DMRT1: variants seen among roughly 807,000 people sequenced by gnomAD.
DMRT1 encodes doublesex and mab-3 related transcription factor 1, also known as doublesex- and mab-3-related transcription factor 1.
Under a neutral mutation model 32.3 loss-of-function variants are expected in DMRT1, and 7 were observed. The observed-to-expected ratio is 0.22, with a 90% CI of 0.12 to 0.41. The LOEUF (loss-of-function observed/expected upper bound fraction) is 0.41, where lower values mean the gene tolerates loss of function less well. Among genes scored for constraint, DMRT1 ranks in the 10% least tolerant of loss-of-function variants. DMRT1 has a pLI of 1.00. For missense variants in DMRT1, 625 were observed against 500.5 expected, an observed-to-expected ratio of 1.25 and a Z score of -2.37; for synonymous variants, 278 against 206.1, an observed-to-expected ratio of 1.35 and a Z score of -2.99.
At chr9:960,175 C>G (rs1010855156) in intron 4 of DMRT1, among the ~76,000 whole-genome samples, 2 of 152,210 alleles carry the variant, frequency 1.3e-5, no homozygotes, top group Non-Finnish European at 2.9e-5. Flanking sequence ...AAGGCCTATA[C>G]ATGATGCCGT....
chr9:954,715 C>T (rs892405868), intron 4 of DMRT1, among the ~76,000 whole-genome samples: 9 of 152,248 alleles, frequency 5.9e-5, no homozygotes, highest in African/African-American at 2.2e-4. Context: ...GATCCCGGCT[C>T]ACTGTAACCT....
At chr9:850,912 C>T (rs904441697) in intron 2 of DMRT1, among the ~76,000 whole-genome samples, 5 of 151,758 alleles carry the variant, frequency 3.3e-5, no homozygotes, top group African/African-American at 1.2e-4. Flanking sequence ...GCCTGTAATC[C>T]CAGCTACTCG....
chr9:918,291 G>C (rs1044744162), intron 4 of DMRT1, among the ~76,000 whole-genome samples: 1 of 152,222 alleles, frequency 6.6e-6, no homozygotes, highest in Non-Finnish European at 1.5e-5. Flanking sequence ...AATTAAGAAT[G>C]AAACCCACTT....
chr9:963,860 A>G (rs956913629), intron 4 of DMRT1, among the ~76,000 whole-genome samples: 3 of 152,246 alleles, frequency 2.0e-5, no homozygotes, highest in Non-Finnish European at 4.4e-5. Context: ...AGAAATTTTC[A>G]TCAGCTTTTC....
intron 1 of DMRT1, among the ~76,000 whole-genome samples, chr9:843,938 AAAG>A (rs1838797045): frequency 6.6e-6 from 1 of 152,198 alleles, no homozygotes; most frequent in Non-Finnish European, 1.5e-5. Flanking sequence ...TAGTGGGTGA[AAAG>A]AATACACTGG....
At chr9:881,211 A>G (rs1816723716) in intron 2 of DMRT1, among the ~76,000 whole-genome samples, 3 of 152,200 alleles carry the variant, frequency 2.0e-5, no homozygotes, top group Non-Finnish European at 4.4e-5. Context: ...CCAGTCCTGT[A>G]CAATTGGATA....
At position 868,097 on chromosome 9, in the gene DMRT1, C is replaced by T. The variant is rs144071262; in HGVS notation, c.538+20954C>T. ...GGCTCAAGCAGTCCTCCCACCTCAG[C>T]CTCCTGATTAGCTGGGACTACAGGC... On this transcript the variant is annotated intron_variant, in intron 2 of 4. Coordinates refer to ENST00000382276, the MANE Select transcript of DMRT1 (RefSeq NM_021951.3). Among the ~76,000 whole-genome samples the T allele has an allele frequency of 3.7e-3, 558 of 152,320 alleles. 15 individuals are homozygous for T. The highest frequency in any genetic ancestry group is 0.033 in the Admixed American group (507 of 15,302).
chr9:865,617 G>C (rs1209482423), intron 2 of DMRT1, among the ~76,000 whole-genome samples: 1 of 152,196 alleles, frequency 6.6e-6, no homozygotes, highest in Admixed American at 6.5e-5. Context: ...ACAAGTTTTT[G>C]CAAAAATGAA....
chr9:852,039 A>G (rs1478658598), intron 2 of DMRT1, among the ~76,000 whole-genome samples: 1 of 151,236 alleles, frequency 6.6e-6, no homozygotes, highest in Admixed American at 6.6e-5. Context: ...TCCTGGGTTC[A>G]AGAGATTCTG....
intron 4 of DMRT1, among the ~76,000 whole-genome samples, chr9:964,310 AG>A (rs1260364553): frequency 4.6e-5 from 7 of 152,278 alleles, no homozygotes; most frequent in African/African-American, 1.4e-4. Context: ...CTCATTGGTA[AG>A]AATGATCCTG....
chr9:944,845 G>A (rs148913565), intron 4 of DMRT1, among the ~76,000 whole-genome samples: 12 of 152,084 alleles, frequency 7.9e-5, no homozygotes, highest in Middle Eastern at 3.4e-3. Flanking sequence ...AGGCACTATC[G>A]TGTATTTTAG....
chr9:852,379 A>G lies in DMRT1; in HGVS notation c.538+5236A>G, dbSNP rs187479727. On this transcript the variant is annotated intron_variant, in intron 2 of 4. Coordinates refer to ENST00000382276, the MANE Select transcript of DMRT1 (RefSeq NM_021951.3). Reference sequence around the variant, plus strand: ...TTTTTTCCGGTGGTTTCATGTTTTGAACTTTAGCATAAAATGTACTTTTTT... The same window carrying G: ...TTTTTTCCGGTGGTTTCATGTTTTGGACTTTAGCATAAAATGTACTTTTTT... Among the ~76,000 whole-genome samples the G allele has an allele frequency of 1.5e-3, 229 of 150,308 alleles. 2 individuals carry two copies. The highest frequency in any genetic ancestry group is 0.011 in the South Asian group (54 of 4,752).
intron 4 of DMRT1, among the ~76,000 whole-genome samples, chr9:944,342 A>T (rs1168704549): frequency 6.6e-6 from 1 of 152,220 alleles, no homozygotes; most frequent in Non-Finnish European, 1.5e-5. Context: ...TAATTCCAGG[A>T]AACAGTATGC....
intron 2 of DMRT1, among the ~76,000 whole-genome samples, chr9:874,525 A>G (rs1031546818): frequency 2.0e-5 from 3 of 152,184 alleles, no homozygotes; most frequent in East Asian, 1.9e-4. Context: ...ATGTCTGTGC[A>G]TGCTATGTTA....
At chr9:932,787 C>G (rs1006585549) in intron 4 of DMRT1, among the ~76,000 whole-genome samples, 27 of 152,138 alleles carry the variant, frequency 1.8e-4, no homozygotes, top group African/African-American at 6.5e-4. Context: ...TATAATGACT[C>G]ACAGAACTCA....
At chr9:927,004 G>A (rs1251980734) in intron 4 of DMRT1, among the ~76,000 whole-genome samples, 1 of 152,228 alleles carries the variant, frequency 6.6e-6, no homozygotes, top group East Asian at 1.9e-4. Context: ...CCTTGGATGT[G>A]ACACTAGCCA....
chr9:895,644 C>T lies in DMRT1; in HGVS notation c.822+1449C>T, dbSNP rs145335669. Among the ~76,000 whole-genome samples, 320 of 152,240 alleles carry T rather than the reference C, an allele frequency of 2.1e-3. 4 individuals are homozygous for T. In the South Asian group the frequency reaches 0.027, roughly 13 times the overall value. Reference sequence around the variant, plus strand: ...TGCCACAATTAAGCTAATTAACAAACACATTAATCACCTCACATAGTTACC... The same window carrying T: ...TGCCACAATTAAGCTAATTAACAAATACATTAATCACCTCACATAGTTACC... On this transcript the variant is annotated intron_variant, in intron 3 of 4. Coordinates refer to ENST00000382276, the MANE Select transcript of DMRT1 (RefSeq NM_021951.3).
intron 4 of DMRT1, among the ~76,000 whole-genome samples, chr9:937,662 G>A (rs909081493): frequency 5.9e-5 from 9 of 152,102 alleles, no homozygotes. Context: ...AGAAATGCCT[G>A]TTCAAGTCAT....
chr9:870,606 T>A (rs2132605831), intron 2 of DMRT1, among the ~76,000 whole-genome samples: 1 of 152,222 alleles, frequency 6.6e-6, no homozygotes, highest in East Asian at 1.9e-4. Flanking sequence ...AGTCTGTCAC[T>A]TTTCTGGTCT....
Sources: gnomAD v4.1 joint callset for allele counts (sites outside exome capture counted in the v4.1 genomes callset) on GRCh38, gnomAD v4.1.1 for gene constraint, MANE v1.5 for transcripts, NCBI Gene and HGNC (gene_info 2026-07-23, HGNC 2026-07-21) for gene names.